The following TRIM44 variants were observed in gnomAD, a reference collection of about 807,000 sequenced individuals.
TRIM44 encodes the protein tripartite motif-containing protein 44.
TRIM44 carries 13 observed loss-of-function variants against 37.4 expected under a neutral mutation model. The ratio of observed to expected loss-of-function variants is 0.35; its 90% CI spans 0.23 to 0.55. The LOEUF (loss-of-function observed/expected upper bound fraction) is 0.55, where lower values mean the gene tolerates loss of function less well. TRIM44 is among the 20% of genes least tolerant of loss of function. The pLI is 0.89. For missense variants in TRIM44, 426 were observed against 437.2 expected, an observed-to-expected ratio of 0.97 and a Z score of 0.23; for synonymous variants, 175 against 157.2, an observed-to-expected ratio of 1.11 and a Z score of -0.85.
At chr11:35,717,976 G>A (rs981091649) in intron 2 of TRIM44, among the ~76,000 whole-genome samples, 5 of 152,138 alleles carry the variant, frequency 3.3e-5, no homozygotes, top group South Asian at 4.1e-4. Flanking sequence ...CAAAACAAGA[G>A]TGGAGATTCA....
chr11:35,729,769 T>A (rs936098771), intron 3 of TRIM44, among the ~76,000 whole-genome samples: 7 of 152,258 alleles, frequency 4.6e-5, no homozygotes, highest in African/African-American at 1.7e-4. Context: ...TCTAAACAGG[T>A]TGACTGCTAA....
rs148070620 is a variant in TRIM44 at position 35,716,775 on chromosome 11, A to T, written c.748-9149A>T. The stretch of plus-strand genomic sequence containing the variant: ...GACATTTGAAGGGGATCTGTAGGAG[A>T]ATAATGTTGGGTCAGAAGGCAGATT... On this transcript the variant is annotated intron_variant, in intron 2 of 4. Coordinates refer to ENST00000299413, the MANE Select transcript of TRIM44 (RefSeq NM_017583.6). 2.1e-3 allele frequency among the ~76,000 whole-genome samples: 320 copies of T among 152,240 alleles called. 1 individual carries two copies. The highest frequency in any genetic ancestry group is 7.4e-3 in the African/African-American group (309 of 41,552).
In TRIM44 at chr11:35,685,242, A is replaced by G. The variant is rs764681310; in HGVS notation, c.670-17A>G. On this transcript the variant is annotated splice_polypyrimidine_tract_variant and intron_variant, in intron 1 of 4. Transcript: ENST00000299413. Reference sequence around the variant, plus strand: ...ACAAAATGCTGTCTAGTGACCCCTCACTTTTCTTTCTTCTAGAGCAAAGAC... The same window carrying G: ...ACAAAATGCTGTCTAGTGACCCCTCGCTTTTCTTTCTTCTAGAGCAAAGAC... 3.1e-6 allele frequency: 5 copies of G among 1,611,570 alleles called. No individual in the cohort carries two copies. The highest frequency in any genetic ancestry group is 3.4e-6 in the Non-Finnish European group (4 of 1,177,982).
intron 2 of TRIM44, among the ~76,000 whole-genome samples, chr11:35,694,341 T>G (rs1244936737): frequency 3.3e-5 from 5 of 152,154 alleles, no homozygotes; most frequent in African/African-American, 7.2e-5. Flanking sequence ...AGTGTTCTCT[T>G]TAATTCATGA....
At chr11:35,667,441 C>G (rs903196529) in intron 1 of TRIM44, among the ~76,000 whole-genome samples, 7 of 152,214 alleles carry the variant, frequency 4.6e-5, no homozygotes, top group Non-Finnish European at 7.3e-5. Flanking sequence ...GGGAGCATAG[C>G]TCACTGTAAT....
intron 2 of TRIM44, among the ~76,000 whole-genome samples, chr11:35,687,704 G>A (rs1484278523): frequency 6.6e-6 from 1 of 152,226 alleles, no homozygotes; most frequent in Non-Finnish European, 1.5e-5. Flanking sequence ...TTGCCAGAAA[G>A]TGAAAGGTTT....
At chr11:35,776,162 A>G (rs2133868850) in intron 4 of TRIM44, among the ~76,000 whole-genome samples, 1 of 152,236 alleles carries the variant, frequency 6.6e-6, no homozygotes, top group Non-Finnish European at 1.5e-5. Context: ...TTATTGGTCT[A>G]TTCAGGGATT....
chr11:35,752,493 C>G (rs1020714140), intron 4 of TRIM44, among the ~76,000 whole-genome samples: 7 of 151,596 alleles, frequency 4.6e-5, no homozygotes, highest in African/African-American at 1.7e-4. Context: ...CTGTGGTTCT[C>G]CCCCTCCCTC....
chr11:35,688,139 A>G (rs1851601745), intron 2 of TRIM44, among the ~76,000 whole-genome samples: 2 of 152,162 alleles, frequency 1.3e-5, no homozygotes, highest in South Asian at 4.1e-4. Context: ...GAGTTGGCCT[A>G]TTTAAGAAGG....
chr11:35,699,262 A>G (rs373675938), intron 2 of TRIM44, among the ~76,000 whole-genome samples: 13 of 152,204 alleles, frequency 8.5e-5, no homozygotes, highest in African/African-American at 2.6e-4. Context: ...TGACTTGGCA[A>G]TGGGCTTCAT....
chr11:35,691,261 A>T (rs1851633513), intron 2 of TRIM44, among the ~76,000 whole-genome samples: 1 of 152,222 alleles, frequency 6.6e-6, no homozygotes. Context: ...CTCTAGGAAG[A>T]AGTAAATGTG....
At chr11:35,766,675 C>A (rs183433876) in intron 4 of TRIM44, among the ~76,000 whole-genome samples, 2 of 152,146 alleles carry the variant, frequency 1.3e-5, no homozygotes, top group African/African-American at 4.8e-5. Context: ...CTCGGCAGGC[C>A]GGGATATATG....
At position 35,737,897 on chromosome 11, in the gene TRIM44, C is replaced by T. The variant is rs184296149; in HGVS notation, c.1007+2452C>T. On this transcript the variant is annotated intron_variant, in intron 4 of 4. Coordinates refer to ENST00000299413, the MANE Select transcript of TRIM44 (RefSeq NM_017583.6). ...TGGGAGACTAGTTAGACTAGGTTATCGATGATGGGAGCCTAAATCAATATC... is the reference window on the plus strand; with the variant it reads ...TGGGAGACTAGTTAGACTAGGTTATTGATGATGGGAGCCTAAATCAATATC... 1.9e-4 allele frequency among the ~76,000 whole-genome samples: 29 copies of T among 152,166 alleles called. 1 individual carries two copies. In the East Asian group the frequency reaches 4.6e-3, roughly 24 times the overall value.
chr11:35,774,519 T>C (rs548125733), intron 4 of TRIM44, among the ~76,000 whole-genome samples: 1 of 152,348 alleles, frequency 6.6e-6, no homozygotes, highest in East Asian at 1.9e-4. Context: ...TTGCTTTTGG[T>C]GTTTTAATCA....
intron 1 of TRIM44, among the ~76,000 whole-genome samples, chr11:35,669,144 TC>T (rs1378760042): frequency 6.6e-6 from 1 of 152,218 alleles, no homozygotes; most frequent in Non-Finnish European, 1.5e-5. Flanking sequence ...ATGGGACTTT[TC>T]CAAATCTTGC....
intron 2 of TRIM44, among the ~76,000 whole-genome samples, chr11:35,700,227 C>T (rs1430371725): frequency 2.0e-5 from 3 of 152,148 alleles, no homozygotes; most frequent in African/African-American, 7.2e-5. Flanking sequence ...CCTGTTTGTG[C>T]TTTTATTTCT....
At chr11:35,673,882 C>T (rs1851429179) in intron 1 of TRIM44, among the ~76,000 whole-genome samples, 1 of 151,984 alleles carries the variant, frequency 6.6e-6, no homozygotes, top group Non-Finnish European at 1.5e-5. Flanking sequence ...ACATACCCAC[C>T]TTTTCTCTCC....
In TRIM44 at chr11:35,772,433, A is replaced by G. The variant is rs371926732; in HGVS notation, c.1008-33925A>G. On this transcript the variant is annotated intron_variant, in intron 4 of 4. Transcript: ENST00000299413. ...CACCATGCACTTGGAAAAGTCACAG[A>G]CACTCAATGGCAGCCCATGAAGGCA... Among the ~76,000 whole-genome samples the G allele has an allele frequency of 4.1e-4, 63 of 152,320 alleles. 1 individual carries two copies. In the South Asian group the frequency reaches 0.012, roughly 30 times the overall value.
intron 4 of TRIM44, among the ~76,000 whole-genome samples, chr11:35,804,003 A>AT (rs1853406593): frequency 6.6e-6 from 1 of 151,194 alleles, no homozygotes; most frequent in Non-Finnish European, 1.5e-5. Context: ...AAAAAAAAAA[A>AT]GGTTCTTCCT....
Sources: gnomAD v4.1 joint callset for allele counts (sites outside exome capture counted in the v4.1 genomes callset) on GRCh38, gnomAD v4.1.1 for gene constraint, MANE v1.5 for transcripts, NCBI Gene and HGNC (gene_info 2026-07-23, HGNC 2026-07-21) for gene names.